ZFYVE16: variants seen among roughly 807,000 people sequenced by gnomAD.
The protein encoded by ZFYVE16 is zinc finger FYVE domain-containing protein 16.
A neutral mutation model predicts 138.1 loss-of-function variants in ZFYVE16; 89 were observed. The observed-to-expected ratio is 0.64, with a 90% CI of 0.54 to 0.77. ZFYVE16 has a LOEUF of 0.77. Ranked by LOEUF, ZFYVE16 falls within the 30% of genes least tolerant of loss-of-function variation. ZFYVE16 has a pLI of 0.00. For synonymous variants in ZFYVE16, 596 were observed against 618.3 expected (o/e 0.96, Z 0.53); for missense variants, 1,793 against 1,786.7 (o/e 1.00, Z -0.06).
At chr5:80,442,717 A>ATTAT (rs1330466205) in intron 5 of ZFYVE16, among the ~76,000 whole-genome samples, 3 of 152,146 alleles carry the variant, frequency 2.0e-5, no homozygotes, top group African/African-American at 4.8e-5. Context: ...AACAACTTAA[A>ATTAT]TTTTCACTTT....
intron 1 of ZFYVE16, chr5:80,410,447 T>G (rs1341780413): frequency 6.6e-6 from 1 of 152,218 alleles, no homozygotes; most frequent in Non-Finnish European, 1.5e-5. Context: ...GATAGTGCAC[T>G]GAATAATTTT....
intron 1 of ZFYVE16, among the ~76,000 whole-genome samples, chr5:80,415,925 C>G (rs1746148053): frequency 6.6e-6 from 1 of 152,092 alleles, no homozygotes; most frequent in South Asian, 2.1e-4. Context: ...CTCAGCCTCC[C>G]AAAGTGCTGG....
At position 80,451,619 on chromosome 5, in the gene ZFYVE16, C is replaced by A. The variant is rs1202135229; in HGVS notation, c.3517C>A (p.Leu1173Ile). ...TCTCTCATTACCAAGTAATCCTTTT[C>A]TTTGTGGAATTCTTATCCAGAAGCT... ...DDLSLPSNPF[L>I]CGILIQKLEI... The change falls in exon 11 of 19, where the codon CTT becomes ATT. Residue 1173 changes from leucine to isoleucine, a missense_variant. Leu to Ile is a conservative substitution (Grantham distance 5). Coordinates refer to ENST00000505560, the MANE Select transcript of ZFYVE16 (RefSeq NM_001284236.3). The A allele has an allele frequency of 2.5e-6, 4 of 1,613,700 alleles. No individual in the cohort carries two copies. Among genetic ancestry groups the A allele is most frequent in the Non-Finnish European group, 3.4e-6 (4 of 1,179,918 alleles).
intron 7 of ZFYVE16, 136 bp downstream of exon 7, chr5:80,445,541 T>C: frequency 2.6e-6 from 2 of 759,030 alleles, no homozygotes; most frequent in East Asian, 2.9e-5. Context: ...ATTGATATAG[T>C]GAATATATTT....
chr5:80,426,201 G>GTGTGT (rs1181978953), intron 1 of ZFYVE16, among the ~76,000 whole-genome samples: 1 of 139,644 alleles, frequency 7.2e-6, no homozygotes, highest in African/African-American at 2.8e-5. Flanking sequence ...GTGTGTGTGT[G>GTGTGT]GTGTGTGTGT....
chr5:80,460,252 T>C (rs1291256560), intron 15 of ZFYVE16, among the ~76,000 whole-genome samples: 3 of 152,182 alleles, frequency 2.0e-5, no homozygotes, highest in Non-Finnish European at 4.4e-5. Flanking sequence ...TCCTATTACA[T>C]ATTTATTGGA....
At chr5:80,452,975 A>T (rs1403255552) in intron 11 of ZFYVE16, among the ~76,000 whole-genome samples, 1 of 152,208 alleles carries the variant, frequency 6.6e-6, no homozygotes, top group Non-Finnish European at 1.5e-5. Context: ...GACTTTTTTC[A>T]AGAAATAATA....
intron 17 of ZFYVE16, 113 bp from the exon 18 acceptor site, chr5:80,474,550 C>A: frequency 1.8e-6 from 2 of 1,088,114 alleles, no homozygotes; most frequent in Non-Finnish European, 2.6e-6. Context: ...ATTCTCACAA[C>A]TAATGCTTTT....
At chr5:80,415,993 A>T (rs1391316414) in intron 1 of ZFYVE16, among the ~76,000 whole-genome samples, 1 of 151,982 alleles carries the variant, frequency 6.6e-6, no homozygotes, top group Non-Finnish European at 1.5e-5. Context: ...GTTAACCTTG[A>T]TCACTTGACT....
intron 15 of ZFYVE16, among the ~76,000 whole-genome samples, chr5:80,465,424 T>TTTTTTTTTTTTTTTTTTGG (rs1753636729): frequency 7.3e-6 from 1 of 136,248 alleles, no homozygotes; most frequent in Non-Finnish European, 1.6e-5. Context: ...TTTTTTTTTT[T>TTTTTTTTTTTTTTTTTTGG]GAGACAGGAT....
At chr5:80,447,556 GT>G (rs1383481292) in intron 7 of ZFYVE16, among the ~76,000 whole-genome samples, 1 of 152,114 alleles carries the variant, frequency 6.6e-6, no homozygotes, top group African/African-American at 2.4e-5. Flanking sequence ...TTTATGGGTA[GT>G]TTTTTCCAGG....
rs1755301562 is a variant in ZFYVE16 at position 80,482,319 on chromosome 5, A to G, written c.*4942A>G. On this transcript the variant is annotated 3_prime_UTR_variant, in exon 19 of 19. Coordinates refer to ENST00000505560, the MANE Select transcript of ZFYVE16 (RefSeq NM_001284236.3). Reference sequence around the variant, plus strand: ...GGTCTCAACACAATGAAGATGACTGAGGGAAGAGTCAGTAAATTTGAAGAT... The same window carrying G: ...GGTCTCAACACAATGAAGATGACTGGGGGAAGAGTCAGTAAATTTGAAGAT... The G allele has an allele frequency of 6.6e-6, 1 of 152,242 alleles. No homozygotes were observed. Among genetic ancestry groups the G allele is most frequent in the Non-Finnish European group, 1.5e-5 (1 of 68,042 alleles). The allele number at this position is 152,242 out of a possible 1,614,324, so 9.4% of individuals were successfully genotyped here.
At chr5:80,434,540 A>G (rs1172592082) in intron 3 of ZFYVE16, among the ~76,000 whole-genome samples, 2 of 151,354 alleles carry the variant, frequency 1.3e-5, no homozygotes, top group Non-Finnish European at 3.0e-5. Context: ...GCAGTGGCAC[A>G]ATCAGAGCTC....
At chr5:80,427,835 G>A (rs902517970) in intron 2 of ZFYVE16, among the ~76,000 whole-genome samples, 1 of 151,224 alleles carries the variant, frequency 6.6e-6, no homozygotes, top group Non-Finnish European at 1.5e-5. Flanking sequence ...AACTGAGCCT[G>A]GTGGCGCACG....
chr5:80,439,433 G>T (rs535904590), intron 4 of ZFYVE16, among the ~76,000 whole-genome samples: 2 of 152,102 alleles, frequency 1.3e-5, no homozygotes, highest in Non-Finnish European at 1.5e-5. Context: ...CTTCCACAGG[G>T]TTCAGAATAC....
At chr5:80,418,864 T>C (rs1195956882) in intron 1 of ZFYVE16, among the ~76,000 whole-genome samples, 1 of 152,214 alleles carries the variant, frequency 6.6e-6, no homozygotes, top group African/African-American at 2.4e-5. Context: ...GATTTTCTCC[T>C]GTGTTTTCCT....
chr5:80,472,350 G>T (rs1230350139), intron 15 of ZFYVE16, among the ~76,000 whole-genome samples: 1 of 151,394 alleles, frequency 6.6e-6, no homozygotes, highest in African/African-American at 2.4e-5. Flanking sequence ...TTTCCTCATG[G>T]TGACCCACTA....
intron 15 of ZFYVE16, among the ~76,000 whole-genome samples, chr5:80,470,100 TA>T (rs767258610): frequency 0.11 from 6,177 of 58,634 alleles, 511 homozygotes; most frequent in Non-Finnish European, 0.13. Context: ...TGTGTGTGTG[TA>T]TTTTTTTTTT....
intron 1 of ZFYVE16, 65 bp from the exon 2 acceptor site, chr5:80,427,427 A>G (rs1748243696): frequency 6.6e-6 from 1 of 151,930 alleles, no homozygotes; most frequent in Non-Finnish European, 1.5e-5. Flanking sequence ...CACTTGTCCC[A>G]TTTAAGCCAG....
Sources: gnomAD v4.1 joint callset for allele counts (sites outside exome capture counted in the v4.1 genomes callset) on GRCh38, gnomAD v4.1.1 for gene constraint, MANE v1.5 for transcripts, NCBI Gene and HGNC (gene_info 2026-07-23, HGNC 2026-07-21) for gene names.